CSMD1: variants seen among roughly 807,000 people sequenced by gnomAD.
The protein encoded by CSMD1 is CUB and Sushi multiple domains 1, also known as CUB and sushi domain-containing protein 1.
In CSMD1, 213 loss-of-function variants were observed where a neutral mutation model predicts 417.5. That is an observed-to-expected ratio of 0.51 (90% confidence interval 0.46 to 0.57). The LOEUF (loss-of-function observed/expected upper bound fraction) is 0.57, where lower values mean the gene tolerates loss of function less well. Ranked by LOEUF, CSMD1 falls within the 20% of genes least tolerant of loss-of-function variation. The probability of loss-of-function intolerance (pLI) is 0.00; values close to 1 mark genes in which losing one functional copy is unlikely to be tolerated. For missense variants in CSMD1, 6,923 were observed against 4,529.7 expected, an observed-to-expected ratio of 1.53 and a Z score of -15.17; for synonymous variants, 2,862 against 1,736.8, an observed-to-expected ratio of 1.65 and a Z score of -16.11.
chr8:4,921,829 G>C (rs775919384), intron 1 of CSMD1, among the ~76,000 whole-genome samples: 10 of 152,108 alleles, frequency 6.6e-5, no homozygotes, highest in African/African-American at 2.2e-4. Flanking sequence ...CTTTATAAAA[G>C]TTCAAGGGAA....
intron 7 of CSMD1, among the ~76,000 whole-genome samples, chr8:3,641,852 T>A (rs1269006369): frequency 6.6e-6 from 1 of 152,186 alleles, no homozygotes; most frequent in Non-Finnish European, 1.5e-5. Flanking sequence ...AACGTCCTAT[T>A]ATTGGTACAG....
chr8:4,444,492 G>C (rs73660828), intron 2 of CSMD1, among the ~76,000 whole-genome samples: 4 of 151,802 alleles, frequency 2.6e-5, no homozygotes, highest in East Asian at 1.9e-4. Context: ...CATTCAATTA[G>C]GATATATTTT....
chr8:3,856,547 C>T (rs1408091995), intron 5 of CSMD1, among the ~76,000 whole-genome samples: 2 of 152,170 alleles, frequency 1.3e-5, no homozygotes, highest in African/African-American at 2.4e-5. Flanking sequence ...CGACTGTCCA[C>T]ATCATGCGGC....
At chr8:4,106,127 C>T (rs531176310) in intron 3 of CSMD1, among the ~76,000 whole-genome samples, 6 of 152,188 alleles carry the variant, frequency 3.9e-5, no homozygotes, top group African/African-American at 1.4e-4. Context: ...GGGAAAGTGA[C>T]CATCGATTTA....
At chr8:4,047,038 A>C (rs1798183961) in intron 3 of CSMD1, among the ~76,000 whole-genome samples, 2 of 152,196 alleles carry the variant, frequency 1.3e-5, no homozygotes, top group Non-Finnish European at 2.9e-5. Context: ...TAGAGGGAAC[A>C]CCTGGAGTCC....
At chr8:4,340,319 C>G (rs919185323) in intron 3 of CSMD1, among the ~76,000 whole-genome samples, 2 of 152,096 alleles carry the variant, frequency 1.3e-5, no homozygotes, top group African/African-American at 4.8e-5. Flanking sequence ...CATCCAAACC[C>G]TTACATTGGC....
At chr8:3,932,634 C>T (rs1291873596) in intron 5 of CSMD1, among the ~76,000 whole-genome samples, 1 of 150,364 alleles carries the variant, frequency 6.7e-6, no homozygotes, top group Non-Finnish European at 1.5e-5. Context: ...TTTATATTGA[C>T]ATTTTGCATG....
At chr8:3,107,836 T>G in intron 44 of CSMD1, 38 bp from the exon 45 acceptor site, 5 of 1,271,440 alleles carry the variant, frequency 3.9e-6, no homozygotes, top group Non-Finnish European at 5.6e-6. Flanking sequence ...TAATTGCAAT[T>G]ACACTTGCTG....
chr8:4,334,785 G>C (rs1040797184), intron 3 of CSMD1, among the ~76,000 whole-genome samples: 2 of 152,088 alleles, frequency 1.3e-5, no homozygotes, highest in South Asian at 2.1e-4. Context: ...ATTTTAGTCT[G>C]TTTGGGCTGC....
At chr8:4,632,236 G>C (rs916716374) in intron 2 of CSMD1, among the ~76,000 whole-genome samples, 2 of 152,142 alleles carry the variant, frequency 1.3e-5, no homozygotes, top group Non-Finnish European at 2.9e-5. Flanking sequence ...AACACTTATT[G>C]ACGATGTGAA....
At chr8:3,952,670 A>G (rs1291648293) in intron 5 of CSMD1, among the ~76,000 whole-genome samples, 1 of 152,224 alleles carries the variant, frequency 6.6e-6, no homozygotes, top group Non-Finnish European at 1.5e-5. Context: ...TCTGAAATCA[A>G]AGAGATATTA....
rs1055682043 is a variant in CSMD1, at chr8:4,835,130, A to G, written c.85+159202T>C. Among the ~76,000 whole-genome samples, 21 of 151,940 alleles carry G rather than the reference A, an allele frequency of 1.4e-4. No homozygotes were observed. In the South Asian group the frequency reaches 1.5e-3, roughly 11 times the overall value. ...GGAATCATTTATTATTAAGGCGGCAACTCTAGACCCAGTGAGCAAGATGGA... is the reference window on the plus strand; with the variant it reads ...GGAATCATTTATTATTAAGGCGGCAGCTCTAGACCCAGTGAGCAAGATGGA... On this transcript the variant is annotated intron_variant, in intron 1 of 69. Coordinates refer to ENST00000635120, the MANE Select transcript of CSMD1 (RefSeq NM_033225.6).
intron 37 of CSMD1, among the ~76,000 whole-genome samples, chr8:3,167,262 T>C (rs1475795147): frequency 2.2e-5 from 3 of 136,574 alleles, no homozygotes; most frequent in African/African-American, 5.5e-5. Context: ...CCAGCCTGAG[T>C]GACAGAGCAA....
At chr8:3,462,697 T>A (rs966037273) in intron 12 of CSMD1, among the ~76,000 whole-genome samples, 2 of 152,136 alleles carry the variant, frequency 1.3e-5, no homozygotes, top group Non-Finnish European at 2.9e-5. Context: ...GCACAGTAAA[T>A]GCAATGCACT....
chr8:4,354,990 C>T (rs997825910), intron 3 of CSMD1, among the ~76,000 whole-genome samples: 4 of 151,586 alleles, frequency 2.6e-5, no homozygotes, highest in African/African-American at 4.8e-5. Flanking sequence ...TGGCCAGGCA[C>T]GGTGGCTCAC....
intron 7 of CSMD1, among the ~76,000 whole-genome samples, chr8:3,658,653 C>T (rs535699521): frequency 3.3e-5 from 5 of 151,638 alleles, no homozygotes; most frequent in South Asian, 2.1e-4. Flanking sequence ...CGTGGTGGTG[C>T]GTGCCTGTAA....
intron 1 of CSMD1, among the ~76,000 whole-genome samples, chr8:4,709,358 G>A (rs981300029): frequency 1.1e-4 from 16 of 152,156 alleles, no homozygotes; most frequent in African/African-American, 3.6e-4. Flanking sequence ...AGTTTAGGCT[G>A]TATGTCCCAT....
chr8:4,394,697 G>T (rs760211170), intron 3 of CSMD1, among the ~76,000 whole-genome samples: 5 of 152,136 alleles, frequency 3.3e-5, no homozygotes, highest in Non-Finnish European at 5.9e-5. Context: ...TGCTGGCCCT[G>T]ACTGGCTTAT....
chr8:3,421,462 A>C (rs551089885), intron 12 of CSMD1, among the ~76,000 whole-genome samples: 1 of 152,348 alleles, frequency 6.6e-6, no homozygotes, highest in South Asian at 2.1e-4. Context: ...TACCTTATCA[A>C]AGACTTCATT....
Sources: gnomAD v4.1 joint callset for allele counts (sites outside exome capture counted in the v4.1 genomes callset) on GRCh38, gnomAD v4.1.1 for gene constraint, MANE v1.5 for transcripts, NCBI Gene and HGNC (gene_info 2026-07-23, HGNC 2026-07-21) for gene names.